The following NSUN3 variants were observed in gnomAD, a reference collection of about 807,000 sequenced individuals.
The protein encoded by NSUN3 is tRNA (cytosine(34)-C(5))-methyltransferase, mitochondrial.
In NSUN3, 24 loss-of-function variants were observed where a neutral mutation model predicts 36.8. The observed-to-expected ratio is 0.65, with a 90% confidence interval of 0.47 to 0.92. NSUN3 has a LOEUF of 0.92. Ranked by LOEUF, NSUN3 falls within the 40% of genes least tolerant of loss-of-function variation. The probability of loss-of-function intolerance (pLI) is 0.00; values close to 1 mark genes in which losing one functional copy is unlikely to be tolerated. For synonymous variants in NSUN3, 146 were observed against 145.2 expected, an observed-to-expected ratio of 1.01 and a Z score of -0.04; for missense variants, 381 against 392.8, an observed-to-expected ratio of 0.97 and a Z score of 0.25.
intron 5 of NSUN3, among the ~76,000 whole-genome samples, chr3:94,107,869 G>T (rs2077396772): frequency 6.6e-6 from 1 of 151,886 alleles, no homozygotes; most frequent in African/African-American, 2.4e-5. Flanking sequence ...TCATTAACAG[G>T]CTATTTTACT....
rs141870849 is a variant in NSUN3, at chr3:94,120,638, A to G, written c.744-5573A>G. ...TGCTGAATAATATTTCATCATATCT[A>G]TGTATCTGTCTACACATTTTGCTTG... On this transcript the variant is annotated intron_variant, in intron 5 of 5. Coordinates refer to ENST00000314622, the MANE Select transcript of NSUN3 (RefSeq NM_022072.5). Among the ~76,000 whole-genome samples, 776 of 152,280 alleles carry G rather than the reference A, an allele frequency of 5.1e-3. 7 individuals carry two copies. The highest frequency in any genetic ancestry group is 0.017 in the African/African-American group (704 of 41,562).
chr3:94,070,233 G>A (rs147470168), intron 2 of NSUN3, among the ~76,000 whole-genome samples: 4 of 152,188 alleles, frequency 2.6e-5, no homozygotes, highest in Non-Finnish European at 4.4e-5. Flanking sequence ...GCTTGAGGGC[G>A]GGAAGATTGC....
At chr3:94,092,041 A>T (rs1576089572) in intron 3 of NSUN3, among the ~76,000 whole-genome samples, 1 of 152,232 alleles carries the variant, frequency 6.6e-6, no homozygotes, top group East Asian at 1.9e-4. Context: ...ACAAGCAGAG[A>T]TCACCTCACC....
Position 94,115,245 on chromosome 3 carries a change from G to A in NSUN3, c.744-10966G>A, listed in dbSNP as rs144042922. Among the ~76,000 whole-genome samples the A allele has an allele frequency of 2.7e-3, 411 of 152,220 alleles. 3 individuals carry two copies. Among genetic ancestry groups the A allele is most frequent in the African/African-American group, 8.9e-3 (370 of 41,542 alleles). The stretch of plus-strand genomic sequence containing the variant: ...AAATGGTTACAATGGACCAACTGCA[G>A]GATCGATGTTCCTATGCTTATTTTA... On this transcript the variant is annotated intron_variant, in intron 5 of 5. Transcript: ENST00000314622.
chr3:94,111,134 G>A (rs894545298), intron 5 of NSUN3, among the ~76,000 whole-genome samples: 2 of 152,232 alleles, frequency 1.3e-5, no homozygotes, highest in East Asian at 3.9e-4. Flanking sequence ...AATACTGTAG[G>A]CAGTTGTAAC....
At chr3:94,081,703 T>TA (rs567421042) in intron 2 of NSUN3, 3 of 152,236 alleles carry the variant, frequency 2.0e-5, no homozygotes, top group Non-Finnish European at 2.9e-5. Context: ...ACAATAAGCT[T>TA]AAAAGGAAAC....
chr3:94,063,716 C>A (rs2077191468), intron 1 of NSUN3: 2 of 152,584 alleles, frequency 1.3e-5, no homozygotes, highest in African/African-American at 4.8e-5. Context: ...CTCCTGGGTT[C>A]AAGCGATCCT....
chr3:94,119,717 A>C (rs930815), intron 5 of NSUN3, among the ~76,000 whole-genome samples: 10,422 of 152,342 alleles, frequency 0.068, 506 homozygotes, highest in South Asian at 0.14. Context: ...TTTATCTTTG[A>C]ATACAAATTT....
intron 2 of NSUN3, among the ~76,000 whole-genome samples, chr3:94,079,774 C>T (rs974345791): frequency 2.0e-5 from 3 of 151,990 alleles, no homozygotes; most frequent in African/African-American, 4.8e-5. Flanking sequence ...TTTTCAGCTC[C>T]ATCAGGTCAT....
chr3:94,078,578 C>A (rs1473052640), intron 2 of NSUN3, among the ~76,000 whole-genome samples: 1 of 152,130 alleles, frequency 6.6e-6, no homozygotes, highest in Non-Finnish European at 1.5e-5. Context: ...GTCTAAGTCT[C>A]TTTGTAGGTC....
intron 2 of NSUN3, among the ~76,000 whole-genome samples, chr3:94,070,207 C>T (rs779992836): frequency 6.6e-6 from 1 of 152,012 alleles, no homozygotes; most frequent in Non-Finnish European, 1.5e-5. Context: ...CTTTGGGAGG[C>T]CAAGGCAGGA....
In NSUN3 at chr3:94,126,622, A is replaced by T; in HGVS notation, c.*132A>T. On this transcript the variant is annotated 3_prime_UTR_variant, in exon 6 of 6. Coordinates refer to ENST00000314622, the MANE Select transcript of NSUN3 (RefSeq NM_022072.5). The stretch of plus-strand genomic sequence containing the variant: ...AATCCTATTTAGTTAATACTTTAGC[A>T]TCTTAGAATCTAGGCTTGAGAATTG... 1 of 748,710 alleles carries T rather than the reference A, an allele frequency of 1.3e-6. No individual in the cohort carries two copies. Among genetic ancestry groups the T allele is most frequent in the Non-Finnish European group, 2.1e-6 (1 of 472,572 alleles). 46.4% of individuals were successfully genotyped at this position (748,710 alleles called of 1,614,324 possible). A position where few individuals can be genotyped will look rare whatever the true frequency, so the allele number is the denominator to read the frequency against.
intron 2 of NSUN3, chr3:94,076,985 G>A: frequency 1.1e-6 from 1 of 933,650 alleles, no homozygotes; most frequent in Non-Finnish European, 1.8e-6. Context: ...ACAAGTCGAT[G>A]AATGCTGAAA....
chr3:94,084,126 T>G lies in NSUN3; in HGVS notation c.142T>G (p.Ser48Ala). Residue 48 changes from serine to alanine, a missense_variant, in exon 3 of 6, where the codon TCA becomes GCA. Ser to Ala is a moderately conservative substitution (Grantham distance 99). Coordinates refer to ENST00000314622, the MANE Select transcript of NSUN3 (RefSeq NM_022072.5). Reference sequence around the variant, plus strand: ...TTCTAGGGAGATACTAACATCTCCATCATGCTGGCAATATGCTGTCCTGCT... The same window carrying G: ...TTCTAGGGAGATACTAACATCTCCAGCATGCTGGCAATATGCTGTCCTGCT... ...NTVREILTSP[S>A]CWQYAVLLNR... is the part of the protein sequence containing the mutation. The G allele has an allele frequency of 6.2e-7, 1 of 1,613,646 alleles. No individual in the cohort carries two copies. The highest frequency in any genetic ancestry group is 1.1e-5 in the South Asian group (1 of 91,014).
rs747986307 is a variant in NSUN3 at position 94,094,323 on chromosome 3, T to C, written c.621+29T>C. On this transcript the variant is annotated intron_variant, in intron 4 of 5. Coordinates refer to ENST00000314622, the MANE Select transcript of NSUN3 (RefSeq NM_022072.5). ...CTTTTATTACATTGTGACAAACTGA[T>C]GGACGCCCAGTAATACCACTATTAT... The C allele has an allele frequency of 3.8e-6, 6 of 1,597,676 alleles. No homozygotes were observed. The African/African-American group carries it at 8.1e-5, about 21-fold the overall frequency.
At chr3:94,076,534 A>G (rs1289465716) in intron 2 of NSUN3, 1 of 798,408 alleles carries the variant, frequency 1.3e-6, no homozygotes, top group Non-Finnish European at 2.3e-6. Context: ...CATCCACCAC[A>G]TTTCCCTCCT....
chr3:94,101,407 T>A (rs1233075771), intron 5 of NSUN3, among the ~76,000 whole-genome samples: 1 of 152,050 alleles, frequency 6.6e-6, no homozygotes, highest in East Asian at 1.9e-4. Flanking sequence ...ATGTAACTAG[T>A]TTTCTGGTTT....
In NSUN3 at chr3:94,131,364, C is replaced by T. The variant is rs1184987429; in HGVS notation, c.*4874C>T. ...CGAGGTCCAGGCCCTTTTCCCAACA[C>T]TATGCTGTCTCACAGAGTGTAGGTT... On this transcript the variant is annotated 3_prime_UTR_variant, in exon 6 of 6. Coordinates refer to ENST00000314622, the MANE Select transcript of NSUN3 (RefSeq NM_022072.5). Among the ~76,000 whole-genome samples the T allele has an allele frequency of 6.6e-6, 1 of 152,218 alleles. No individual in the cohort carries two copies. The highest frequency in any genetic ancestry group is 1.5e-5 in the Non-Finnish European group (1 of 68,036).
At chr3:94,117,169 C>A (rs2077443775) in intron 5 of NSUN3, among the ~76,000 whole-genome samples, 1 of 151,576 alleles carries the variant, frequency 6.6e-6, no homozygotes, top group South Asian at 2.1e-4. Flanking sequence ...CGGCTAATTT[C>A]TCATATTTTT....
Sources: allele counts gnomAD v4.1 joint callset (sites outside exome capture counted in the v4.1 genomes callset), GRCh38; gene constraint gnomAD v4.1.1; transcripts MANE v1.5; gene names NCBI Gene and HGNC (gene_info 2026-07-23, HGNC 2026-07-21).